The following SNX27 variants were observed in gnomAD, a reference collection of about 807,000 sequenced individuals.
SNX27 encodes the protein sorting nexin-27.
Under a neutral mutation model 71.6 loss-of-function variants are expected in SNX27, and 22 were observed. The ratio of observed to expected loss-of-function variants is 0.31; its 90% confidence interval spans 0.22 to 0.44. SNX27 has a LOEUF of 0.44. Among genes scored for constraint, SNX27 ranks in the 20% least tolerant of loss-of-function variants. The pLI, the probability that SNX27 is intolerant of heterozygous loss-of-function variation, is 1.00. For missense variants in SNX27, 531 were observed against 698.6 expected (o/e 0.76, Z 2.70); for synonymous variants, 269 against 277.2 (o/e 0.97, Z 0.29).
Position 151,694,350 on chromosome 1 carries a change from CTTTT to C in SNX27, c.1579-12_1579-9del. Reference sequence around the variant, plus strand: ...GAGGAGATGTGCCTTCCCAATAACTCTTTTTTTTTTTCCTTTCAGAACATTTTCC... The same window carrying C: ...GAGGAGATGTGCCTTCCCAATAACTCTTTTTTTCCTTTCAGAACATTTTCC... On this transcript the variant is annotated splice_polypyrimidine_tract_variant and intron_variant, in intron 11 of 11. Transcript: ENST00000458013. 1 of 1,193,372 alleles carries C rather than the reference CTTTT, an allele frequency of 8.4e-7. No homozygotes were observed. Among genetic ancestry groups the C allele is most frequent in the Non-Finnish European group, 1.1e-6 (1 of 878,046 alleles). 73.9% of individuals were successfully genotyped at this position (1,193,372 alleles called of 1,614,324 possible).
intron 1 of SNX27, among the ~76,000 whole-genome samples, chr1:151,636,266 A>G (rs1668452065): frequency 6.6e-6 from 1 of 152,232 alleles, no homozygotes; most frequent in African/African-American, 2.4e-5. Flanking sequence ...AATTGATTGC[A>G]TTAACAGAAA....
rs1266437433 is a variant in SNX27 at position 151,639,116 on chromosome 1, T to C, written c.540T>C (p.Phe180=). Residue 180 remains phenylalanine, a synonymous_variant, in exon 2 of 12, where the codon TTT becomes TTC. Coordinates refer to ENST00000458013, the MANE Select transcript of SNX27 (RefSeq NM_001330723.2). Reference sequence around the variant, plus strand: ...ATGTGGAGCAGAATGGTGAGAAGTTTGTGGTGAGTGTCAGCCCAACTCGAT... The same window carrying C: ...ATGTGGAGCAGAATGGTGAGAAGTTCGTGGTGAGTGTCAGCCCAACTCGAT... The part of the protein sequence containing the change: ...YKHVEQNGEK[F]VVYNVYMAGR... 1 of 1,612,326 alleles carries C rather than the reference T, an allele frequency of 6.2e-7. No homozygotes were observed. Among genetic ancestry groups the C allele is most frequent in the African/African-American group, 1.3e-5 (1 of 74,894 alleles).
intron 10 of SNX27, 184 bp downstream of exon 10, chr1:151,693,223 C>A: frequency 1.0e-6 from 1 of 976,268 alleles, no homozygotes. Context: ...TTGGCAATTT[C>A]CTATCCCACT....
chr1:151,623,189 TG>T (rs781697934), intron 1 of SNX27, among the ~76,000 whole-genome samples: 22 of 151,980 alleles, frequency 1.4e-4, no homozygotes, highest in Non-Finnish European at 2.8e-4. Flanking sequence ...TCGCCCAGGC[TG>T]GAGTGCAGTG....
chr1:151,621,456 C>G (rs910379512), intron 1 of SNX27, among the ~76,000 whole-genome samples: 1 of 152,178 alleles, frequency 6.6e-6, no homozygotes, highest in African/African-American at 2.4e-5. Flanking sequence ...CTTAAGCTGT[C>G]TGAAACTTTT....
intron 7 of SNX27, among the ~76,000 whole-genome samples, chr1:151,671,821 T>G (rs1361319715): frequency 6.6e-6 from 1 of 152,180 alleles, no homozygotes; most frequent in African/African-American, 2.4e-5. Context: ...TGTTGGCATA[T>G]AGAAATGCTG....
chr1:151,669,853 A>G (rs1161405006), intron 7 of SNX27, among the ~76,000 whole-genome samples: 1 of 152,196 alleles, frequency 6.6e-6, no homozygotes, highest in African/African-American at 2.4e-5. Flanking sequence ...AAAATGAGGT[A>G]TCCATCCCCT....
intron 2 of SNX27, 74 bp downstream of exon 2, chr1:151,639,193 T>A: frequency 7.5e-7 from 1 of 1,335,854 alleles, no homozygotes; most frequent in Non-Finnish European, 1.0e-6. Context: ...GAAACTATTA[T>A]AGTGGTAGAT....
In SNX27 at chr1:151,697,801, AG is replaced by A. The variant is rs1671845315; in HGVS notation, c.*3389del. On this transcript the variant is annotated 3_prime_UTR_variant, in exon 12 of 12. Coordinates refer to ENST00000458013, the MANE Select transcript of SNX27 (RefSeq NM_001330723.2). Reference sequence around the variant, plus strand: ...TCTTTTGCAATTTGTCCCTGGGAAGAGGGGGTCTCCCAGTGCCCCCAGCTTC... The same window carrying A: ...TCTTTTGCAATTTGTCCCTGGGAAGAGGGGTCTCCCAGTGCCCCCAGCTTC... 6.6e-6 allele frequency: 1 copy of A among 152,634 alleles called. No individual in the cohort carries two copies. The highest frequency in any genetic ancestry group is 1.5e-5 in the Non-Finnish European group (1 of 68,066). 9.5% of individuals were successfully genotyped at this position (152,634 alleles called of 1,614,324 possible). A position where few individuals can be genotyped will look rare whatever the true frequency, so the allele number is the denominator to read the frequency against.
At chr1:151,624,750 T>G (rs961925829) in intron 1 of SNX27, among the ~76,000 whole-genome samples, 2 of 152,120 alleles carry the variant, frequency 1.3e-5, no homozygotes, top group African/African-American at 4.8e-5. Context: ...TATATTTTTA[T>G]ATTTATTTTT....
rs762930553 is a variant in SNX27 at position 151,665,916 on chromosome 1, A to G, written c.907-17A>G. The G allele has an allele frequency of 3.1e-6, 5 of 1,587,744 alleles. No homozygotes were observed. The South Asian group carries it at 4.5e-5, about 14-fold the overall frequency. The stretch of plus-strand genomic sequence containing the variant: ...GACTTAATTTTCTTGAAACCAATCT[A>G]TCCTGTTTAACCTTAGGCTATCGCA... On this transcript the variant is annotated splice_polypyrimidine_tract_variant and intron_variant, in intron 5 of 11. Coordinates refer to ENST00000458013, the MANE Select transcript of SNX27 (RefSeq NM_001330723.2).
intron 7 of SNX27, chr1:151,669,159 C>T (rs1281002116): frequency 6.6e-6 from 1 of 152,402 alleles, no homozygotes; most frequent in Admixed American, 6.5e-5. Context: ...AGCATCTCTT[C>T]ATTTCCCACT....
rs1192111885 is a variant in SNX27 at position 151,696,578 on chromosome 1, CTT to C, written c.*2166_*2167del. The C allele has an allele frequency of 7.0e-6, 1 of 142,306 alleles. No homozygotes were observed. Among genetic ancestry groups the C allele is most frequent in the Non-Finnish European group, 1.5e-5 (1 of 65,466 alleles). 8.8% of individuals were successfully genotyped at this position (142,306 alleles called of 1,614,324 possible). A position where few individuals can be genotyped will look rare whatever the true frequency, so the allele number is the denominator to read the frequency against. ...TTCTTTTGCTTTCCTTCTTTCATCT[CTT>C]TTTTGTAATTTGTTGTTGCAAATCA... On this transcript the variant is annotated 3_prime_UTR_variant, in exon 12 of 12. Transcript: ENST00000458013.
At chr1:151,655,381 GTTCT>G (rs1669636064) in intron 2 of SNX27, among the ~76,000 whole-genome samples, 1 of 152,186 alleles carries the variant, frequency 6.6e-6, no homozygotes, top group Non-Finnish European at 1.5e-5. Flanking sequence ...GCTGATAATA[GTTCT>G]TTCCTTAGAT....
chr1:151,676,967 A>G (rs1257366558), intron 7 of SNX27: 3 of 151,792 alleles, frequency 2.0e-5, no homozygotes, highest in South Asian at 2.1e-4. Flanking sequence ...TATATGGCCT[A>G]TGTTTAGCAT....
chr1:151,651,389 C>G (rs1385535014), intron 2 of SNX27, among the ~76,000 whole-genome samples: 5 of 150,480 alleles, frequency 3.3e-5, no homozygotes, highest in African/African-American at 7.4e-5. Context: ...CTGACCCCCC[C>G]CACCTCCCTC....
At chr1:151,665,792 A>G in intron 5 of SNX27, 141 bp from the exon 6 acceptor site, 3 of 572,968 alleles carry the variant, frequency 5.2e-6, no homozygotes, top group Middle Eastern at 2.7e-4. Flanking sequence ...AAGGATAGCT[A>G]TGGACCATTA....
At position 151,663,295 on chromosome 1, in the gene SNX27, C is replaced by T. The variant is rs182085459; in HGVS notation, c.906+1025C>T. On this transcript the variant is annotated intron_variant, in intron 5 of 11. Transcript: ENST00000458013. ...CCTCCCGAGCAGCTGGGACTACAGG[C>T]GCCCACCACCACGCCCGGCTAATTT... 8.2e-4 allele frequency among the ~76,000 whole-genome samples: 125 copies of T among 151,972 alleles called. 2 individuals carry two copies. In the East Asian group the frequency reaches 0.015, roughly 18 times the overall value.
At chr1:151,687,135 C>G (rs1671218647) in intron 8 of SNX27, among the ~76,000 whole-genome samples, 1 of 152,216 alleles carries the variant, frequency 6.6e-6, no homozygotes, top group Non-Finnish European at 1.5e-5. Flanking sequence ...TCCTCCCTCC[C>G]TCCCTTTCTG....
Sources: allele counts gnomAD v4.1 joint callset (sites outside exome capture counted in the v4.1 genomes callset), GRCh38; gene constraint gnomAD v4.1.1; transcripts MANE v1.5; gene names NCBI Gene and HGNC (gene_info 2026-07-23, HGNC 2026-07-21).